Variants in KCNIP1 observed in about 807,000 individuals in gnomAD.
KCNIP1 encodes the protein A-type potassium channel modulatory protein KCNIP1.
A neutral mutation model predicts 33.0 loss-of-function variants in KCNIP1; 18 were observed. The observed-to-expected ratio is 0.55, with a 90% CI of 0.38 to 0.81. The LOEUF is 0.81. Among genes scored for constraint, KCNIP1 ranks in the 30% least tolerant of loss-of-function variants. KCNIP1 has a pLI of 0.00. For missense variants in KCNIP1, 238 were observed against 271.6 expected, an observed-to-expected ratio of 0.88 and a Z score of 0.87; for synonymous variants, 93 against 98.3, an observed-to-expected ratio of 0.95 and a Z score of 0.32.
At chr5:170,534,471 AAGGAGG>A (rs34048947) in intron 1 of KCNIP1, among the ~76,000 whole-genome samples, 1,832 of 149,430 alleles carry the variant, frequency 0.012, 42 homozygotes, top group African/African-American at 0.041. Flanking sequence ...GGAGAGGGAG[AAGGAGG>A]AGGAGGAGGA....
At chr5:170,460,677 C>T (rs1019654593) in intron 1 of KCNIP1, among the ~76,000 whole-genome samples, 1 of 152,144 alleles carries the variant, frequency 6.6e-6, no homozygotes, top group Non-Finnish European at 1.5e-5. Flanking sequence ...AATTGGCACA[C>T]AAGGGACATA....
chr5:170,420,399 A>T (rs1212464832), intron 1 of KCNIP1: 1 of 152,110 alleles, frequency 6.6e-6, no homozygotes, highest in African/African-American at 2.4e-5. Flanking sequence ...CATTTACTGT[A>T]AGAATACAGC....
intron 1 of KCNIP1, chr5:170,560,996 A>G: frequency 2.4e-6 from 1 of 417,950 alleles, no homozygotes; most frequent in Non-Finnish European, 4.8e-6. Flanking sequence ...GAGGCCAGGC[A>G]AGGCATTGTG....
chr5:170,529,168 A>G (rs1389927086), intron 1 of KCNIP1, among the ~76,000 whole-genome samples: 2 of 152,188 alleles, frequency 1.3e-5, no homozygotes, highest in Admixed American at 1.3e-4. Flanking sequence ...GAAAATGTCG[A>G]CAAGAACCTG....
intron 1 of KCNIP1, among the ~76,000 whole-genome samples, chr5:170,418,779 G>A (rs544438239): frequency 6.2e-4 from 95 of 152,232 alleles, no homozygotes; most frequent in African/African-American, 2.2e-3. Context: ...TTCTCTGCTG[G>A]ATCACCATCC....
chr5:170,476,674 G>A (rs910648262), intron 1 of KCNIP1, among the ~76,000 whole-genome samples: 5 of 152,138 alleles, frequency 3.3e-5, no homozygotes, highest in Admixed American at 6.6e-5. Context: ...AATTTTGATC[G>A]TAAGGCAAAT....
intron 1 of KCNIP1, among the ~76,000 whole-genome samples, chr5:170,468,485 T>C (rs536661005): frequency 5.5e-4 from 84 of 152,330 alleles, no homozygotes; most frequent in African/African-American, 2.0e-3. Context: ...CTTTAATAAA[T>C]TGAATGTTAA....
chr5:170,660,338 T>C (rs1761427138), intron 1 of KCNIP1, among the ~76,000 whole-genome samples: 2 of 150,958 alleles, frequency 1.3e-5, no homozygotes, highest in South Asian at 4.2e-4. Context: ...GGAAAACTTT[T>C]CCCCCTTAAT....
At chr5:170,379,400 G>T (rs1203137006) in intron 1 of KCNIP1, among the ~76,000 whole-genome samples, 1 of 152,210 alleles carries the variant, frequency 6.6e-6, no homozygotes, top group Non-Finnish European at 1.5e-5. Context: ...AGGCCAAGTG[G>T]GCTGTGTATT....
At chr5:170,494,736 C>G (rs1037707972) in intron 1 of KCNIP1, among the ~76,000 whole-genome samples, 11 of 152,198 alleles carry the variant, frequency 7.2e-5, no homozygotes, top group African/African-American at 2.7e-4. Context: ...CCCCTCACCT[C>G]TTCTTCCCAA....
At chr5:170,573,082 G>A (rs568650964) in intron 1 of KCNIP1, among the ~76,000 whole-genome samples, 5 of 152,316 alleles carry the variant, frequency 3.3e-5, no homozygotes, top group East Asian at 1.9e-4. Context: ...CTCCCACCTC[G>A]GCTCTGGCAT....
chr5:170,354,649 G>A (rs994691165), intron 1 of KCNIP1, among the ~76,000 whole-genome samples: 1 of 152,220 alleles, frequency 6.6e-6, no homozygotes, highest in Admixed American at 6.5e-5. Flanking sequence ...AGAAAGTGTG[G>A]CTATGGACCA....
chr5:170,414,441 A>T (rs1284790621), intron 1 of KCNIP1, among the ~76,000 whole-genome samples: 1 of 152,180 alleles, frequency 6.6e-6, no homozygotes, highest in East Asian at 1.9e-4. Flanking sequence ...TGTTTGAACC[A>T]TGTTCAAACA....
Position 170,504,024 on chromosome 5 carries a change from C to G in KCNIP1, c.-549C>G. 1 of 984,076 alleles carries G rather than the reference C, an allele frequency of 1.0e-6. No individual in the cohort carries two copies. The highest frequency in any genetic ancestry group is 1.2e-6 in the Non-Finnish European group (1 of 829,478). The allele number at this position is 984,076 out of a possible 1,614,324, so 61.0% of individuals were successfully genotyped here. A position where few individuals can be genotyped will look rare whatever the true frequency, so the allele number is the denominator to read the frequency against. ...CGCCGCCCCCTCCGCCGCTCCGACT[C>G]TCGCCCCGAGCGCTGGCAGCAGGCA... On this transcript the variant is annotated 5_prime_UTR_variant, in exon 1 of 8. Coordinates refer to ENST00000328939, the MANE Select transcript of KCNIP1 (RefSeq NM_014592.4). The surrounding 1 kb of genome is among the most constrained non-coding windows in gnomAD (Gnocchi z 6.0).
At chr5:170,491,478 T>G (rs903383538) in intron 1 of KCNIP1, among the ~76,000 whole-genome samples, 3 of 152,172 alleles carry the variant, frequency 2.0e-5, no homozygotes, top group Non-Finnish European at 4.4e-5. Context: ...AAATCTCCAG[T>G]GCTCATATTT....
chr5:170,664,985 C>T (rs898237680), intron 1 of KCNIP1, among the ~76,000 whole-genome samples: 3 of 152,070 alleles, frequency 2.0e-5, no homozygotes, highest in African/African-American at 7.2e-5. Flanking sequence ...GAAGTCTTTC[C>T]CTGTAGCTCA....
chr5:170,420,533 C>CAAAAAAA (rs201638118), intron 1 of KCNIP1: 2 of 118,818 alleles, frequency 1.7e-5, no homozygotes, highest in African/African-American at 6.3e-5. Flanking sequence ...AACTCCAACT[C>CAAAAAAA]AAAAAAAAAA....
intron 1 of KCNIP1, among the ~76,000 whole-genome samples, chr5:170,537,050 A>C (rs995945356): frequency 6.6e-6 from 1 of 151,956 alleles, no homozygotes; most frequent in Admixed American, 6.6e-5. Context: ...AGCACGACCA[A>C]CTCTCCCGGG....
At chr5:170,441,211 C>T (rs1259748215) in intron 1 of KCNIP1, among the ~76,000 whole-genome samples, 1 of 152,248 alleles carries the variant, frequency 6.6e-6, no homozygotes, top group African/African-American at 2.4e-5. Context: ...GGGATCAGAA[C>T]TCAAAGCCCC....
Sources: allele counts gnomAD v4.1 joint callset (sites outside exome capture counted in the v4.1 genomes callset), GRCh38; gene constraint gnomAD v4.1.1; non-coding constraint Gnocchi (gnomAD v3.1); transcripts MANE v1.5; gene names NCBI Gene and HGNC (gene_info 2026-07-23, HGNC 2026-07-21).